The following SPAG16 variants were observed in gnomAD, a reference collection of about 807,000 sequenced individuals.
The protein encoded by SPAG16 is sperm-associated antigen 16 protein.
Under a neutral mutation model 80.4 loss-of-function variants are expected in SPAG16, and 86 were observed. The observed-to-expected ratio is 1.07, with a 90% CI of 0.90 to 1.28. SPAG16 has a LOEUF of 1.28. Ranked by LOEUF, SPAG16 falls within the 50% of genes most tolerant of loss-of-function variation. SPAG16 has a pLI of 0.00. For synonymous variants in SPAG16, 294 were observed against 265.9 expected, an observed-to-expected ratio of 1.11 and a Z score of -1.03; for missense variants, 870 against 765.3, an observed-to-expected ratio of 1.14 and a Z score of -1.61.
chr2:214,117,344 G>GCC (rs1259267695), intron 14 of SPAG16, among the ~76,000 whole-genome samples: 23 of 152,238 alleles, frequency 1.5e-4, no homozygotes, highest in African/African-American at 5.1e-4. Flanking sequence ...AAATAAAGAA[G>GCC]TTACAGGATC....
intron 15 of SPAG16, among the ~76,000 whole-genome samples, chr2:214,234,241 G>A (rs564049413): frequency 3.4e-4 from 52 of 152,156 alleles, no homozygotes; most frequent in African/African-American, 1.3e-3. Flanking sequence ...TGGCTGCATA[G>A]TATTCCATGG....
At chr2:213,462,265 T>C (rs78674645) in intron 9 of SPAG16, among the ~76,000 whole-genome samples, 3,535 of 152,308 alleles carry the variant, frequency 0.023, 57 homozygotes, top group South Asian at 0.038. Flanking sequence ...AGAGCCCACA[T>C]AACTATGCAG....
intron 15 of SPAG16, among the ~76,000 whole-genome samples, chr2:214,189,257 G>A (rs1021323145): frequency 2.6e-5 from 4 of 152,006 alleles, no homozygotes; most frequent in African/African-American, 9.7e-5. Context: ...TGGAACTAAT[G>A]TGGAATAATA....
intron 10 of SPAG16, among the ~76,000 whole-genome samples, chr2:213,735,723 G>A (rs1389099033): frequency 1.3e-5 from 2 of 152,194 alleles, no homozygotes; most frequent in African/African-American, 2.4e-5. Context: ...TGGGAAATAT[G>A]TTCCATCTCT....
intron 11 of SPAG16, among the ~76,000 whole-genome samples, chr2:213,872,629 AAAG>A (rs2075997551): frequency 6.6e-6 from 1 of 152,088 alleles, no homozygotes; most frequent in Non-Finnish European, 1.5e-5. Context: ...GCAATGTTGA[AAAG>A]AAGTGACAAA....
At chr2:214,151,784 G>A (rs943519361) in intron 15 of SPAG16, among the ~76,000 whole-genome samples, 7 of 151,542 alleles carry the variant, frequency 4.6e-5, no homozygotes, top group African/African-American at 1.7e-4. Flanking sequence ...ATGGTCTGCT[G>A]TCTCCGCTGT....
chr2:213,765,145 C>T (rs543786200), intron 10 of SPAG16, among the ~76,000 whole-genome samples: 131 of 152,168 alleles, frequency 8.6e-4, no homozygotes, highest in Admixed American at 1.4e-3. Flanking sequence ...CCGAGGCGGG[C>T]GGATCACAAG....
At chr2:213,757,666 T>C (rs1013075152) in intron 10 of SPAG16, among the ~76,000 whole-genome samples, 2 of 152,150 alleles carry the variant, frequency 1.3e-5, no homozygotes, top group Non-Finnish European at 2.9e-5. Flanking sequence ...TTCAGTCAAT[T>C]TCAGCACTTA....
At chr2:213,578,551 T>C (rs187307112) in intron 10 of SPAG16, among the ~76,000 whole-genome samples, 3 of 152,242 alleles carry the variant, frequency 2.0e-5, no homozygotes, top group Admixed American at 2.0e-4. Flanking sequence ...AAATCCTTAT[T>C]TTATGAACTA....
chr2:214,050,200 C>A (rs997944279), intron 13 of SPAG16, among the ~76,000 whole-genome samples: 6 of 151,348 alleles, frequency 4.0e-5, no homozygotes, highest in African/African-American at 1.5e-4. Flanking sequence ...TCATGAAGAT[C>A]AAGAAGTGAA....
intron 13 of SPAG16, among the ~76,000 whole-genome samples, chr2:214,060,438 T>G (rs994273710): frequency 6.8e-6 from 1 of 147,758 alleles, no homozygotes; most frequent in Non-Finnish European, 1.5e-5. Flanking sequence ...AGTAAGATTA[T>G]GGGTTACTAT....
At chr2:213,661,645 G>T (rs1486913806) in intron 10 of SPAG16, among the ~76,000 whole-genome samples, 1 of 152,040 alleles carries the variant, frequency 6.6e-6, no homozygotes, top group Non-Finnish European at 1.5e-5. Context: ...TAGGCTTCAG[G>T]TTCTACTGCT....
intron 10 of SPAG16, among the ~76,000 whole-genome samples, chr2:213,512,774 A>G (rs2075276934): frequency 6.6e-6 from 1 of 152,100 alleles, no homozygotes. Flanking sequence ...ATAAAGTACT[A>G]TCTCCAGGCA....
chr2:213,525,553 C>T (rs995525848), intron 10 of SPAG16, among the ~76,000 whole-genome samples: 30 of 152,096 alleles, frequency 2.0e-4, no homozygotes, highest in Admixed American at 6.5e-5. Context: ...TCCCAAAGTG[C>T]TGGGATTACA....
rs1553515469 is a variant in SPAG16, at chr2:214,149,077, G to GTATATATATATATA, written c.1594-56_1594-43dup. The GTATATATATATATA allele has an allele frequency of 4.5e-3, 1,075 of 240,126 alleles. 4 individuals are homozygous for GTATATATATATATA. The highest frequency in any genetic ancestry group is 0.014 in the East Asian group (92 of 6,672). 14.9% of individuals were successfully genotyped at this position (240,126 alleles called of 1,614,324 possible). A position where few individuals can be genotyped will look rare whatever the true frequency, so the allele number is the denominator to read the frequency against. Reference sequence around the variant, plus strand: ...TGTATATATATATGTGTGTGTGTGTGTATATATATATATATATATACATAC... The same window carrying GTATATATATATATA: ...TGTATATATATATGTGTGTGTGTGTGTATATATATATATATATATATATATATATATATACATAC... On this transcript the variant is annotated intron_variant, in intron 14 of 15. Coordinates refer to ENST00000331683, the MANE Select transcript of SPAG16 (RefSeq NM_024532.5).
chr2:213,581,026 GT>G (rs1246795757), intron 10 of SPAG16, among the ~76,000 whole-genome samples: 1 of 151,840 alleles, frequency 6.6e-6, no homozygotes, highest in Non-Finnish European at 1.5e-5. Flanking sequence ...CTTTTTTGAA[GT>G]TTTTTACATT....
At chr2:213,971,131 A>T (rs2045028975) in intron 12 of SPAG16, among the ~76,000 whole-genome samples, 2 of 152,160 alleles carry the variant, frequency 1.3e-5, no homozygotes, top group South Asian at 4.1e-4. Flanking sequence ...AAAGTTATAT[A>T]GTTTATTTCA....
At chr2:213,435,315 T>C (rs1374522999) in intron 9 of SPAG16, among the ~76,000 whole-genome samples, 1 of 152,200 alleles carries the variant, frequency 6.6e-6, no homozygotes, top group Non-Finnish European at 1.5e-5. Flanking sequence ...GTCTCACTTA[T>C]AAGTGAGTGC....
At chr2:213,449,180 G>T (rs1035079486) in intron 9 of SPAG16, among the ~76,000 whole-genome samples, 1 of 152,122 alleles carries the variant, frequency 6.6e-6, no homozygotes, top group African/African-American at 2.4e-5. Flanking sequence ...GAACCCTCAG[G>T]CTTACTAGGG....
Sources: allele counts gnomAD v4.1 joint callset (sites outside exome capture counted in the v4.1 genomes callset), GRCh38; gene constraint gnomAD v4.1.1; transcripts MANE v1.5; gene names NCBI Gene and HGNC (gene_info 2026-07-23, HGNC 2026-07-21).